The following PPEF1 variants were observed in gnomAD, a reference collection of about 807,000 sequenced individuals.
PPEF1 encodes the protein protein phosphatase with EF-hand domain 1.
A neutral mutation model predicts 53.3 loss-of-function variants in PPEF1; 12 were observed. The ratio of observed to expected loss-of-function variants is 0.23; its 90% CI spans 0.14 to 0.36. The LOEUF (loss-of-function observed/expected upper bound fraction) is 0.36. Ranked by LOEUF, PPEF1 falls within the 10% of genes least tolerant of loss-of-function variation. The pLI is 1.00. For missense variants in PPEF1, 334 were observed against 490.4 expected, an observed-to-expected ratio of 0.68 and a Z score of 3.01; for synonymous variants, 165 against 176.7, an observed-to-expected ratio of 0.93 and a Z score of 0.52.
At position 18,827,260 on chromosome X, in the gene PPEF1, T is replaced by C; in HGVS notation, c.1751-16T>C. ...CTTAAAATGAACACTCACAACCTTC[T>C]CCTATATTCTTTTAGGCCTGATCTC... On this transcript the variant is annotated splice_polypyrimidine_tract_variant and intron_variant, in intron 15 of 15. Coordinates refer to ENST00000470157, the MANE Select transcript of PPEF1 (RefSeq NM_001377996.1). The C allele has an allele frequency of 8.4e-7, 1 of 1,188,248 alleles. No individual in the cohort carries two copies. Among genetic ancestry groups the C allele is most frequent in the Non-Finnish European group, 1.1e-6 (1 of 876,033 alleles).
chrX:18,811,106 G>A (rs973267592), intron 12 of PPEF1, among the ~76,000 whole-genome samples: 1 of 111,928 alleles, frequency 8.9e-6, no homozygotes, highest in African/African-American at 3.2e-5. Context: ...AGGCTGGAGT[G>A]CAGTGGCACA....
chrX:18,783,139 G>A (rs770586416), intron 8 of PPEF1, among the ~76,000 whole-genome samples: 1 of 107,188 alleles, frequency 9.3e-6, no homozygotes, highest in East Asian at 3.0e-4. Context: ...AGAAGGCAGA[G>A]GGAGGGTGGA....
intron 10 of PPEF1, among the ~76,000 whole-genome samples, chrX:18,790,630 G>A (rs2046306808): frequency 9.0e-6 from 1 of 111,344 alleles, no homozygotes; most frequent in Non-Finnish European, 1.9e-5. Context: ...GTTAATTTTT[G>A]TGTGTGGTGG....
At chrX:18,697,972 A>G (rs1929825414) in intron 5 of PPEF1, 1 of 111,473 alleles carries the variant, frequency 9.0e-6, no homozygotes, top group Non-Finnish European at 1.9e-5. Context: ...TATAATAAGC[A>G]GGGGTTCTAG....
intron 3 of PPEF1, among the ~76,000 whole-genome samples, chrX:18,745,138 TTATA>T (rs1222397332): frequency 8.0e-4 from 76 of 94,858 alleles, no homozygotes; most frequent in African/African-American, 2.9e-3. Flanking sequence ...TATAATTATA[TTATA>T]TATATTATAT....
chrX:18,675,393 G>A (rs1374259058), upstream of PPEF1, among the ~76,000 whole-genome samples: 1 of 113,720 alleles, frequency 8.8e-6, no homozygotes, highest in Non-Finnish European at 1.9e-5. Context: ...CCGGTCGGAA[G>A]TCAGGACGTC....
chrX:18,677,263 T>A lies in PPEF1; in HGVS notation c.-587+1133T>A, dbSNP rs28424085. ...CATGTTGGCCAGGTTGATCTCAAAC[T>A]CCTGGCCTCAAGTGATCCGCCCACC... On this transcript the variant is annotated intron_variant, in intron 1 of 20. Transcript: ENST00000689646. 9.0e-3 allele frequency among the ~76,000 whole-genome samples: 1,010 copies of A among 111,742 alleles called. 9 individuals carry two copies. Among genetic ancestry groups the A allele is most frequent in the Middle Eastern group, 0.028 (6 of 218 alleles).
intron 6 of PPEF1, among the ~76,000 whole-genome samples, chrX:18,775,065 C>T (rs1270019573): frequency 2.7e-5 from 3 of 110,674 alleles, no homozygotes; most frequent in Admixed American, 9.6e-5. Context: ...GCTTTGAATG[C>T]TAGTCTCTTA....
At chrX:18,808,447 A>G (rs1169050948) in intron 12 of PPEF1, among the ~76,000 whole-genome samples, 1 of 110,404 alleles carries the variant, frequency 9.1e-6, no homozygotes, top group Non-Finnish European at 1.9e-5. Flanking sequence ...GAGCAACTAA[A>G]TCTTATCCAA....
At chrX:18,826,706 G>A (rs1010768372) in intron 15 of PPEF1, among the ~76,000 whole-genome samples, 3 of 110,014 alleles carry the variant, frequency 2.7e-5, no homozygotes, top group Middle Eastern at 4.2e-3. Context: ...GATTACAGGC[G>A]TGAGCCACTG....
At chrX:18,764,016 G>A (rs1448037818) in intron 6 of PPEF1, among the ~76,000 whole-genome samples, 1 of 111,762 alleles carries the variant, frequency 8.9e-6, no homozygotes, top group Non-Finnish European at 1.9e-5. Flanking sequence ...AGAGAAGCCA[G>A]GATGGGCCAG....
chrX:18,714,031 A>G (rs1292622795), intron 1 of PPEF1, among the ~76,000 whole-genome samples: 1 of 111,414 alleles, frequency 9.0e-6, no homozygotes, highest in Non-Finnish European at 1.9e-5. Context: ...GATTATTTCT[A>G]TATTCAGGTG....
intron 10 of PPEF1, among the ~76,000 whole-genome samples, chrX:18,793,484 G>A (rs1292809763): frequency 1.8e-5 from 2 of 110,726 alleles, no homozygotes; most frequent in Non-Finnish European, 3.8e-5. Flanking sequence ...AATTTGTTGA[G>A]GCTTTTTTTG....
At chrX:18,724,605 C>T (rs1016409050) in intron 1 of PPEF1, among the ~76,000 whole-genome samples, 1 of 111,986 alleles carries the variant, frequency 8.9e-6, no homozygotes, top group African/African-American at 3.2e-5. Context: ...ACATGCTCCT[C>T]AATAGCATGC....
intron 13 of PPEF1, among the ~76,000 whole-genome samples, chrX:18,821,436 C>G: frequency 9.1e-6 from 1 of 110,334 alleles, no homozygotes; most frequent in Non-Finnish European, 1.9e-5. Flanking sequence ...GAGATGGAGT[C>G]TCCCTCAGTC....
intron 10 of PPEF1, among the ~76,000 whole-genome samples, chrX:18,793,943 G>C (rs933569523): frequency 1.5e-4 from 17 of 111,613 alleles, no homozygotes; most frequent in African/African-American, 5.5e-4. Flanking sequence ...CACCACCAGG[G>C]CTGGTGTGGA....
At chrX:18,680,429 C>CTTTT (rs769412688), upstream of PPEF1, among the ~76,000 whole-genome samples, 18,449 of 78,422 alleles carry the variant, frequency 0.24, 2,901 homozygotes, top group East Asian at 0.56. Flanking sequence ...AATTTCTTCT[C>CTTTT]TTTTTTTTTT....
At position 18,709,502 on chromosome X, in the gene PPEF1, G is replaced by GTTTTTTTTTTTTTTTTTTTT. The variant is rs752416903; in HGVS notation, c.46+1682_46+1683insTTTTTTTTTTTTTTTTTTTT. On this transcript the variant is annotated intron_variant, in intron 1 of 15. Transcript: ENST00000470157. ...TTGGATTGTTTCAGCTTTGTTTTTT[G>GTTTTTTTTTTTTTTTTTTTT]TTTTTTGTTTTTTTTGAGACAGTCT... 2.0e-5 allele frequency among the ~76,000 whole-genome samples: 2 copies of GTTTTTTTTTTTTTTTTTTTT among 101,093 alleles called. 1 individual carries two copies. The allele number at this position is 101,093 out of a possible 115,157, so 87.8% of individuals were successfully genotyped here. A position where few individuals can be genotyped will look rare whatever the true frequency, so the allele number is the denominator to read the frequency against.
chrX:18,685,486 C>A (rs1196245107), intron 2 of PPEF1, among the ~76,000 whole-genome samples: 1 of 110,660 alleles, frequency 9.0e-6, no homozygotes, highest in African/African-American at 3.3e-5. Context: ...GAGATCGAGA[C>A]CATCCTGGCT....
Sources: allele counts gnomAD v4.1 joint callset (sites outside exome capture counted in the v4.1 genomes callset), GRCh38; gene constraint gnomAD v4.1.1; transcripts MANE v1.5; gene names NCBI Gene and HGNC (gene_info 2026-07-23, HGNC 2026-07-21).